CAMTA1: variants seen among roughly 807,000 people sequenced by gnomAD.
The protein encoded by CAMTA1 is calmodulin-binding transcription activator 1.
Under a neutral mutation model 170.9 loss-of-function variants are expected in CAMTA1, and 27 were observed. The observed-to-expected ratio is 0.16, with a 90% CI of 0.12 to 0.22. CAMTA1 has a LOEUF of 0.22. CAMTA1 is among the 10% of genes least tolerant of loss of function. The pLI, the probability that CAMTA1 is intolerant of heterozygous loss-of-function variation, is 1.00. For missense variants in CAMTA1, 1,619 were observed against 2,217.2 expected (o/e 0.73, Z 5.42); for synonymous variants, 833 against 891.5 (o/e 0.93, Z 1.17).
chr1:7,476,940 C>T (rs1334667353), intron 6 of CAMTA1, among the ~76,000 whole-genome samples: 3 of 152,176 alleles, frequency 2.0e-5, no homozygotes, highest in African/African-American at 4.8e-5. Context: ...GTCAGGCCTC[C>T]GCAGCCCCCG....
At chr1:6,912,164 A>G (rs35942997) in intron 3 of CAMTA1, among the ~76,000 whole-genome samples, 16,158 of 152,192 alleles carry the variant, frequency 0.11, 1,284 homozygotes, top group Admixed American at 0.26. Context: ...TTGCAGCTCA[A>G]TTGCTTGGCT....
intron 18 of CAMTA1, 31 bp downstream of exon 18, chr1:7,746,122 C>T: frequency 6.2e-7 from 1 of 1,605,486 alleles, no homozygotes; most frequent in East Asian, 2.2e-5. Flanking sequence ...CGTTTTGTGA[C>T]ATTCTTAAGA....
At chr1:7,104,391 C>G (rs1258099344) in intron 4 of CAMTA1, among the ~76,000 whole-genome samples, 5 of 150,622 alleles carry the variant, frequency 3.3e-5, no homozygotes, top group African/African-American at 1.2e-4. Context: ...CACACACACA[C>G]AGCTTCCTGT....
At chr1:7,568,447 A>T (rs1044677220) in intron 6 of CAMTA1, among the ~76,000 whole-genome samples, 1 of 149,984 alleles carries the variant, frequency 6.7e-6, no homozygotes, top group Non-Finnish European at 1.5e-5. Context: ...CAACATCATC[A>T]CCACATCACC....
intron 5 of CAMTA1, among the ~76,000 whole-genome samples, chr1:7,375,128 C>T (rs1431835487): frequency 6.6e-6 from 1 of 152,158 alleles, no homozygotes; most frequent in African/African-American, 2.4e-5. Context: ...AGGGTGCTTG[C>T]AGGGCTCCTT....
chr1:7,510,962 G>C (rs2094194439), intron 6 of CAMTA1, among the ~76,000 whole-genome samples: 1 of 144,826 alleles, frequency 6.9e-6, no homozygotes, highest in Non-Finnish European at 1.5e-5. Flanking sequence ...CCACTCTAAA[G>C]CCACCTTTTC....
At chr1:7,382,715 T>A (rs959133086) in intron 5 of CAMTA1, 1 of 152,242 alleles carries the variant, frequency 6.6e-6, no homozygotes, top group African/African-American at 2.4e-5. Context: ...CATACATTGA[T>A]GAGCCCTCCT....
chr1:7,219,978 A>G (rs560287449), intron 4 of CAMTA1, among the ~76,000 whole-genome samples: 2 of 152,252 alleles, frequency 1.3e-5, no homozygotes, highest in Non-Finnish European at 2.9e-5. Flanking sequence ...GCCCTCACCA[A>G]GAATGGAACT....
intron 6 of CAMTA1, among the ~76,000 whole-genome samples, chr1:7,548,753 T>A (rs113379487): frequency 1.7e-5 from 1 of 59,838 alleles, no homozygotes; most frequent in Non-Finnish European, 3.7e-5. Flanking sequence ...CTTGCAGGGT[T>A]CCTCTTAGAG....
At chr1:7,460,940 C>T (rs1202535914) in intron 5 of CAMTA1, among the ~76,000 whole-genome samples, 1 of 152,134 alleles carries the variant, frequency 6.6e-6, no homozygotes, top group Non-Finnish European at 1.5e-5. Flanking sequence ...CCACCACAGC[C>T]AGCCTAACGT....
At chr1:7,149,791 G>A (rs945163255) in intron 4 of CAMTA1, among the ~76,000 whole-genome samples, 1 of 152,172 alleles carries the variant, frequency 6.6e-6, no homozygotes, top group African/African-American at 2.4e-5. Flanking sequence ...TGGGCCAGAG[G>A]TGCCGACGGT....
chr1:7,201,019 C>A (rs1417196642), intron 4 of CAMTA1, among the ~76,000 whole-genome samples: 1 of 152,170 alleles, frequency 6.6e-6, no homozygotes, highest in African/African-American at 2.4e-5. Context: ...GAAGAAATGC[C>A]ATGTTATGTA....
chr1:7,230,489 G>A lies in CAMTA1; in HGVS notation c.303-19002G>A, dbSNP rs892660041. On this transcript the variant is annotated intron_variant, in intron 4 of 22. Transcript: ENST00000303635. ...AAAGCGCCTTACCTGCTTATCTCCC[G>A]CCATCTGGAACATCCTCCTGAATCT... Among the ~76,000 whole-genome samples, 5 of 124,150 alleles carry A rather than the reference G, an allele frequency of 4.0e-5. No individual in the cohort carries two copies. The East Asian group carries it at 7.2e-4, about 18-fold the overall frequency. 81.4% of individuals were successfully genotyped at this position (124,150 alleles called of 152,430 possible).
chr1:7,302,923 T>A (rs1477339050), intron 5 of CAMTA1, among the ~76,000 whole-genome samples: 2 of 152,168 alleles, frequency 1.3e-5, no homozygotes, highest in East Asian at 3.9e-4. Context: ...TACCAGGCAA[T>A]GACAGTGCAG....
chr1:7,046,428 G>A (rs1705389056), intron 3 of CAMTA1, among the ~76,000 whole-genome samples: 1 of 152,188 alleles, frequency 6.6e-6, no homozygotes, highest in Admixed American at 6.5e-5. Context: ...GGGAGGGAGT[G>A]CCACATGGGA....
At chr1:7,728,938 T>G (rs1043419541) in intron 11 of CAMTA1, among the ~76,000 whole-genome samples, 1 of 152,154 alleles carries the variant, frequency 6.6e-6, no homozygotes, top group African/African-American at 2.4e-5. Flanking sequence ...TACCTCCCTG[T>G]GGGAAGTTGC....
At chr1:7,740,662 T>A (rs987672537) in intron 16 of CAMTA1, among the ~76,000 whole-genome samples, 1 of 152,226 alleles carries the variant, frequency 6.6e-6, no homozygotes, top group African/African-American at 2.4e-5. Context: ...AGCATGGCTG[T>A]CATCTAGCTA....
intron 1 of CAMTA1, among the ~76,000 whole-genome samples, chr1:6,794,880 C>CTTTTTTTTTTT (rs1305335139): frequency 2.5e-4 from 36 of 141,868 alleles, no homozygotes; most frequent in East Asian, 6.2e-4. Context: ...TAGATAAAGG[C>CTTTTTTTTTTT]TTTTTTTTTG....
rs1321174702 is a variant in CAMTA1, at chr1:7,766,773, C to G, written c.*282C>G. The G allele has an allele frequency of 2.3e-6, 1 of 439,656 alleles. No individual in the cohort carries two copies. Among genetic ancestry groups the G allele is most frequent in the Admixed American group, 3.6e-5 (1 of 27,546 alleles). 27.2% of individuals were successfully genotyped at this position (439,656 alleles called of 1,614,324 possible). A position where few individuals can be genotyped will look rare whatever the true frequency, so the allele number is the denominator to read the frequency against. On this transcript the variant is annotated 3_prime_UTR_variant, in exon 23 of 23. Coordinates refer to ENST00000303635, the MANE Select transcript of CAMTA1 (RefSeq NM_015215.4). The stretch of plus-strand genomic sequence containing the variant: ...GTTGGATCACGGGAAATCAAGACAC[C>G]CAGGAGGAATTGAAAGAGGCTTCCT...
Sources: gnomAD v4.1 joint callset for allele counts (sites outside exome capture counted in the v4.1 genomes callset) on GRCh38, gnomAD v4.1.1 for gene constraint, MANE v1.5 for transcripts, NCBI Gene and HGNC (gene_info 2026-07-23, HGNC 2026-07-21) for gene names.